GPHN: variants seen among roughly 807,000 people sequenced by gnomAD.
The protein encoded by GPHN is gephyrin.
In GPHN, 17 loss-of-function variants were observed where a neutral mutation model predicts 95.5. The ratio of observed to expected loss-of-function variants is 0.18; its 90% CI spans 0.12 to 0.27. GPHN has a LOEUF of 0.27. Among genes scored for constraint, GPHN ranks in the 10% least tolerant of loss-of-function variants. The probability of loss-of-function intolerance (pLI) is 1.00; values close to 1 mark genes in which losing one functional copy is unlikely to be tolerated. For missense variants in GPHN, 660 were observed against 978.1 expected (o/e 0.67, Z 4.34); for synonymous variants, 320 against 322.5 (o/e 0.99, Z 0.08).
chr14:67,636,461 C>T, the GPHN span, among the ~76,000 whole-genome samples: 1 of 152,208 alleles, frequency 6.6e-6, no homozygotes, highest in African/African-American at 2.4e-5. Context: ...GCGTGTAGCA[C>T]AGTGTGGTGT....
chr14:67,191,891 T>A, the GPHN span, among the ~76,000 whole-genome samples: 1 of 152,220 alleles, frequency 6.6e-6, no homozygotes, highest in East Asian at 1.9e-4. Context: ...AAATGAAAAC[T>A]ATACTGTAAT....
At chr14:67,506,226 C>T in the GPHN span, among the ~76,000 whole-genome samples, 1 of 151,932 alleles carries the variant, frequency 6.6e-6, no homozygotes, top group African/African-American at 2.4e-5. Flanking sequence ...CTTCATAAAG[C>T]GGGTGTATTT....
At chr14:67,554,549 T>A in the GPHN span, among the ~76,000 whole-genome samples, 2 of 152,182 alleles carry the variant, frequency 1.3e-5, no homozygotes, top group Non-Finnish European at 2.9e-5. Flanking sequence ...CAGCTAGGCT[T>A]GGCACATGGT....
At chr14:67,148,836 G>T (rs2081065545) in intron 18 of GPHN, among the ~76,000 whole-genome samples, 1 of 151,530 alleles carries the variant, frequency 6.6e-6, no homozygotes, top group African/African-American at 2.4e-5. Flanking sequence ...AAAGTGCTGG[G>T]ATTACAGGCG....
the GPHN span, among the ~76,000 whole-genome samples, chr14:67,693,590 G>A: frequency 6.6e-6 from 1 of 150,710 alleles, no homozygotes; most frequent in African/African-American, 2.4e-5. Flanking sequence ...GTACAAAGGG[G>A]AGCTGGGATT....
chr14:66,611,727 T>G (rs2062789624), intron 1 of GPHN, among the ~76,000 whole-genome samples: 1 of 152,290 alleles, frequency 6.6e-6, no homozygotes, highest in South Asian at 2.1e-4. Flanking sequence ...TAACTTGATA[T>G]TTGCTCTTTT....
the GPHN span, among the ~76,000 whole-genome samples, chr14:67,293,672 C>T: frequency 1.3e-5 from 2 of 152,158 alleles, no homozygotes; most frequent in Non-Finnish European, 2.9e-5. Flanking sequence ...GTAGGCAATT[C>T]TGGACTCACT....
the GPHN span, among the ~76,000 whole-genome samples, chr14:67,597,257 C>T: frequency 6.2e-4 from 95 of 152,306 alleles, no homozygotes; most frequent in Admixed American, 5.0e-3. Context: ...ATGGGGGGAT[C>T]GCTTGAGGCC....
the GPHN span, among the ~76,000 whole-genome samples, chr14:67,534,776 C>T: frequency 6.6e-6 from 1 of 152,050 alleles, no homozygotes; most frequent in Non-Finnish European, 1.5e-5. Context: ...GCATGTTCCT[C>T]CCATTCCTGA....
At chr14:66,874,977 T>C (rs1170701613) in intron 4 of GPHN, among the ~76,000 whole-genome samples, 1 of 151,904 alleles carries the variant, frequency 6.6e-6, no homozygotes, top group Non-Finnish European at 1.5e-5. Flanking sequence ...AACGTTGGAA[T>C]GAAGGAATAA....
the GPHN span, among the ~76,000 whole-genome samples, chr14:67,192,569 G>C: frequency 1.3e-5 from 2 of 151,538 alleles, no homozygotes; most frequent in African/African-American, 4.9e-5. Context: ...TATCAGGAGA[G>C]AACCCAGAAA....
At chr14:67,352,806 T>C in the GPHN span, 3 of 674,308 alleles carry the variant, frequency 4.4e-6, no homozygotes, top group Non-Finnish European at 7.5e-6. Flanking sequence ...CTTATAATGG[T>C]ATTTTTACTT....
the GPHN span, among the ~76,000 whole-genome samples, chr14:67,379,110 A>G: frequency 6.6e-6 from 1 of 152,136 alleles, no homozygotes; most frequent in Admixed American, 6.6e-5. Flanking sequence ...CTGTTCCTCT[A>G]TTAAGAGTTG....
intron 1 of GPHN, among the ~76,000 whole-genome samples, chr14:66,607,012 T>G (rs1202526970): frequency 6.6e-6 from 1 of 152,172 alleles, no homozygotes; most frequent in Admixed American, 6.5e-5. Flanking sequence ...CAGCCTTGTC[T>G]CATTCTAGTT....
At chr14:67,290,566 ATTG>A in the GPHN span, among the ~76,000 whole-genome samples, 1 of 152,150 alleles carries the variant, frequency 6.6e-6, no homozygotes, top group Admixed American at 6.5e-5. Context: ...TTTAAAAATT[ATTG>A]TTATTTTAAA....
At chr14:67,691,217 T>C in the GPHN span, 1 of 1,613,978 alleles carries the variant, frequency 6.2e-7, no homozygotes, top group East Asian at 2.2e-5. Context: ...TCCTGCATTG[T>C]TGATCAAAAC....
the GPHN span, among the ~76,000 whole-genome samples, chr14:67,422,138 C>T: frequency 2.6e-5 from 4 of 152,278 alleles, no homozygotes; most frequent in Admixed American, 1.3e-4. Context: ...CTGGCCTATA[C>T]ACCCAGGGAG....
intron 18 of GPHN, among the ~76,000 whole-genome samples, chr14:67,144,236 TAAAAAAAAAA>T (rs1216565518): frequency 0.022 from 1,182 of 53,468 alleles, 83 homozygotes; most frequent in African/African-American, 0.086. Flanking sequence ...GACCCTGTCT[TAAAAAAAAAA>T]AAAAATATAT....
At chr14:66,788,639 TTTTG>T (rs910886020) in intron 3 of GPHN, among the ~76,000 whole-genome samples, 17 of 152,288 alleles carry the variant, frequency 1.1e-4, no homozygotes, top group East Asian at 3.9e-4. Context: ...AACCCACTCC[TTTTG>T]TTTGTTTGTT....
Sources: allele counts gnomAD v4.1 joint callset (sites outside exome capture counted in the v4.1 genomes callset), GRCh38; gene constraint gnomAD v4.1.1; transcripts MANE v1.5; gene names NCBI Gene and HGNC (gene_info 2026-07-23, HGNC 2026-07-21).